The following CHLSN variants were observed in gnomAD, a reference collection of about 807,000 sequenced individuals.
The protein encoded by CHLSN is cholesin.
chr7:1,084,635 G>C, the CHLSN span, among the ~76,000 whole-genome samples: 1 of 152,220 alleles, frequency 6.6e-6, no homozygotes, highest in African/African-American at 2.4e-5. Flanking sequence ...TGGTGGGAAG[G>C]GAAGCCTCAC....
At chr7:982,807 C>T in the CHLSN span, among the ~76,000 whole-genome samples, 1 of 152,240 alleles carries the variant, frequency 6.6e-6, no homozygotes, top group Non-Finnish European at 1.5e-5. Context: ...CTGTGAAAGG[C>T]AGGGGGCTCC....
the CHLSN span, chr7:1,000,588 CA>C: frequency 1.3e-6 from 2 of 1,532,904 alleles, no homozygotes; most frequent in Admixed American, 3.7e-5. Flanking sequence ...GGGTGCTGGG[CA>C]AAAGACTCCC....
chr7:1,082,332 G>A, the CHLSN span: 1 of 152,352 alleles, frequency 6.6e-6, no homozygotes, highest in East Asian at 1.9e-4. Context: ...TGTGCCTGGG[G>A]GGTGAGAGAG....
At chr7:1,021,336 T>C in the CHLSN span, 1 of 980,496 alleles carries the variant, frequency 1.0e-6, no homozygotes, top group Non-Finnish European at 1.2e-6. Context: ...CCAGAAGCCT[T>C]TTCATCGTGG....
chr7:1,048,122 C>G, the CHLSN span, among the ~76,000 whole-genome samples: 4 of 152,160 alleles, frequency 2.6e-5, no homozygotes, highest in East Asian at 3.9e-4. Flanking sequence ...ATGTCAAGGA[C>G]GAGCCAGTGT....
At chr7:985,133 C>T in the CHLSN span, 2 of 1,602,004 alleles carry the variant, frequency 1.2e-6, no homozygotes, top group Non-Finnish European at 1.7e-6. Context: ...CCTCCCCGGG[C>T]CTGGACGTGC....
the CHLSN span, among the ~76,000 whole-genome samples, chr7:1,051,365 C>T: frequency 0.039 from 5,874 of 152,352 alleles, 160 homozygotes; most frequent in South Asian, 0.061. Flanking sequence ...GCCAGGCCGC[C>T]GAGGTTCTGA....
chr7:1,028,466 G>A, the CHLSN span: 1 of 985,498 alleles, frequency 1.0e-6, no homozygotes, highest in Non-Finnish European at 1.2e-6. Flanking sequence ...CGCGGGGGTG[G>A]GAGAGCCGGG....
the CHLSN span, among the ~76,000 whole-genome samples, chr7:1,035,680 G>A: frequency 2.0e-5 from 3 of 152,188 alleles, no homozygotes; most frequent in East Asian, 1.9e-4. Flanking sequence ...TGCACTCATC[G>A]CTGTGGGAAG....
At chr7:1,086,257 A>G in the CHLSN span, among the ~76,000 whole-genome samples, 72,673 of 152,110 alleles carry the variant, frequency 0.48, 19,191 homozygotes, top group African/African-American at 0.72. Context: ...GACATGTCTC[A>G]GCTATTTCAA....
chr7:1,053,158 G>A, the CHLSN span, among the ~76,000 whole-genome samples: 1 of 152,224 alleles, frequency 6.6e-6, no homozygotes, highest in African/African-American at 2.4e-5. Context: ...GAAGTCTCTG[G>A]GCACAGAGGC....
At chr7:1,029,722 C>T in the CHLSN span, among the ~76,000 whole-genome samples, 1 of 152,182 alleles carries the variant, frequency 6.6e-6, no homozygotes, top group Non-Finnish European at 1.5e-5. Context: ...GGGCCCTGCT[C>T]TGGAGGCCAC....
chr7:1,099,102 TCCGGAGC>T, the CHLSN span, among the ~76,000 whole-genome samples: 1 of 141,842 alleles, frequency 7.1e-6, no homozygotes, highest in Non-Finnish European at 1.6e-5. Context: ...GGCCTCCCCT[TCCGGAGC>T]CTCGCTGTCG....
the CHLSN span, among the ~76,000 whole-genome samples, chr7:1,050,647 G>A: frequency 6.6e-6 from 1 of 152,226 alleles, no homozygotes; most frequent in Non-Finnish European, 1.5e-5. Context: ...GGCTTGGAAC[G>A]CCGCAGCCTA....
chr7:993,099 G>A, the CHLSN span, among the ~76,000 whole-genome samples: 2 of 152,178 alleles, frequency 1.3e-5, no homozygotes, highest in African/African-American at 4.8e-5. Context: ...GACTATTCAG[G>A]GTTTGAGGCT....
the CHLSN span, among the ~76,000 whole-genome samples, chr7:1,046,899 A>G: frequency 1.3e-5 from 2 of 152,354 alleles, no homozygotes; most frequent in South Asian, 2.1e-4. Context: ...CAAGGTGGTG[A>G]TAAGATCTGC....
the CHLSN span, among the ~76,000 whole-genome samples, chr7:1,005,011 G>A: frequency 1.3e-5 from 2 of 152,216 alleles, no homozygotes; most frequent in Non-Finnish European, 2.9e-5. Context: ...AAAAGCAGGG[G>A]CGGCTGGGAA....
chr7:1,017,881 C>T, the CHLSN span, among the ~76,000 whole-genome samples: 3 of 152,224 alleles, frequency 2.0e-5, no homozygotes, highest in Non-Finnish European at 2.9e-5. Flanking sequence ...GGTGGGATGG[C>T]GCCTCGCCTT....
chr7:1,062,113 T>C, the CHLSN span, among the ~76,000 whole-genome samples: 2 of 152,244 alleles, frequency 1.3e-5, no homozygotes, highest in African/African-American at 4.8e-5. Flanking sequence ...ACTACTATAG[T>C]TCAAAAATCA....
Sources: allele counts gnomAD v4.1 joint callset (sites outside exome capture counted in the v4.1 genomes callset), GRCh38; gene constraint gnomAD v4.1.1; transcripts MANE v1.5; gene names NCBI Gene and HGNC (gene_info 2026-07-23, HGNC 2026-07-21).